Variants in MROH7 observed in about 807,000 individuals in gnomAD.
MROH7 encodes maestro heat like repeat family member 7.
Under a neutral mutation model 129.2 loss-of-function variants are expected in MROH7, and 113 were observed. That is an observed-to-expected ratio of 0.87 (90% CI 0.75 to 1.02). The LOEUF (loss-of-function observed/expected upper bound fraction) is 1.02, where lower values mean the gene tolerates loss of function less well. Among genes scored for constraint, MROH7 ranks in the 50% least tolerant of loss-of-function variants. The pLI, the probability that MROH7 is intolerant of heterozygous loss-of-function variation, is 0.00. For missense variants in MROH7, 1,601 were observed against 1,671.3 expected (o/e 0.96, Z 0.73); for synonymous variants, 655 against 667.9 (o/e 0.98, Z 0.30).
At chr1:54,655,802 T>C (rs1192264738) in intron 3 of MROH7, among the ~76,000 whole-genome samples, 1 of 152,116 alleles carries the variant, frequency 6.6e-6, no homozygotes, top group Non-Finnish European at 1.5e-5. Flanking sequence ...CACTTTCCTT[T>C]ACATAGGATA....
chr1:54,701,010 G>A, intron 18 of MROH7, 133 bp from the exon 19 acceptor site: 1 of 940,560 alleles, frequency 1.1e-6, no homozygotes, highest in Non-Finnish European at 1.6e-6. Context: ...TTCCAGGCAG[G>A]TGGGATGGCA....
intron 5 of MROH7, among the ~76,000 whole-genome samples, chr1:54,669,933 G>A (rs1410932163): frequency 1.3e-5 from 2 of 151,670 alleles, no homozygotes; most frequent in Non-Finnish European, 2.9e-5. Flanking sequence ...GAGCTAGGGA[G>A]GCAGAGGTTG....
intron 3 of MROH7, chr1:54,658,981 C>A: frequency 3.3e-6 from 1 of 302,972 alleles, no homozygotes; most frequent in Non-Finnish European, 6.5e-6. Context: ...CTAATCACTG[C>A]CCCGGAGGTG....
intron 1 of MROH7, among the ~76,000 whole-genome samples, chr1:54,645,110 A>ACC (rs2101050006): frequency 6.6e-6 from 1 of 152,182 alleles, no homozygotes; most frequent in Non-Finnish European, 1.5e-5. Flanking sequence ...ATGCCCAGCC[A>ACC]AAGCATTTTT....
Position 54,673,705 on chromosome 1 carries a change from T to TG in MROH7, c.1704dup (p.Pro569AlafsTer10), listed in dbSNP as rs1644937507. The TG allele has an allele frequency of 6.2e-7, 1 of 1,612,464 alleles. No individual in the cohort carries two copies. Among genetic ancestry groups the TG allele is most frequent in the African/African-American group, 1.3e-5 (1 of 74,900 alleles). On this transcript the variant is annotated frameshift_variant, in exon 9 of 24. Transcript: ENST00000421030. LOFTEE classifies it high-confidence loss of function. ...GTCTTGCTTTTGATCCCACAGGCCC[T>TG]GGGGCCTTGGATGAACTCTGGGAAG... is the stretch of plus-strand genomic sequence containing the variant.
rs1475209187 is a variant in MROH7, at chr1:54,709,011, A to T, written c.3668-3A>T. 1 of 1,614,010 alleles carries T rather than the reference A, an allele frequency of 6.2e-7. No individual in the cohort carries two copies. Among genetic ancestry groups the T allele is most frequent in the Non-Finnish European group, 8.5e-7 (1 of 1,179,968 alleles). On this transcript the variant is annotated splice_region_variant and splice_polypyrimidine_tract_variant and intron_variant, in intron 22 of 23. Coordinates refer to ENST00000421030, the MANE Select transcript of MROH7 (RefSeq NM_001039464.4). ...TGCCCTCACTTCTTGGATTACGCTC[A>T]AGGGTCCCTGGTCCCCTGCATGGAG...
chr1:54,663,979 C>G (rs1041561108), intron 3 of MROH7: 76 of 325,368 alleles, frequency 2.3e-4, no homozygotes, highest in African/African-American at 1.6e-3. Flanking sequence ...TGACCTTGTC[C>G]TCAGAAGGAG....
chr1:54,661,601 T>C (rs979617943), intron 3 of MROH7, among the ~76,000 whole-genome samples: 1 of 151,458 alleles, frequency 6.6e-6, no homozygotes, highest in Non-Finnish European at 1.5e-5. Flanking sequence ...TGTTTGTTTG[T>C]TTGTTTATTT....
rs750287729 is a variant in MROH7, at chr1:54,673,132, C to G, written c.1641C>G (p.Leu547=). 2 of 1,613,826 alleles carry G rather than the reference C, an allele frequency of 1.2e-6. No individual in the cohort carries two copies. The highest frequency in any genetic ancestry group is 1.7e-5 in the Admixed American group (1 of 59,982). Reference sequence around the variant, plus strand: ...CCCTGGAGGCCCTGCAGACACTGCTCAAAGCCCTCTTTATCGAGGACCCCA... The same window carrying G: ...CCCTGGAGGCCCTGCAGACACTGCTGAAAGCCCTCTTTATCGAGGACCCCA... ...HQTLEALQTL[L]KALFIEDPTP... Residue 547 remains leucine, a synonymous_variant, in exon 8 of 24, where the codon CTC becomes CTG. Transcript: ENST00000421030.
In MROH7 at chr1:54,705,702, A is replaced by C. The variant is rs150701976; in HGVS notation, c.3565-733A>C. Among the ~76,000 whole-genome samples the C allele has an allele frequency of 4.1e-3, 619 of 152,316 alleles. 4 individuals carry two copies. The highest frequency in any genetic ancestry group is 0.014 in the African/African-American group (596 of 41,572). On this transcript the variant is annotated intron_variant, in intron 21 of 23. Transcript: ENST00000421030. ...GTCCTCGGAGTGCAGCATGGTGGGC[A>C]TGACAGGTGGAGTCAGTGGAAGGAG...
At position 54,710,123 on chromosome 1, in the gene MROH7, C is replaced by A. The variant is rs1455777128; in HGVS notation, c.3908C>A (p.Ser1303Tyr). The A allele has an allele frequency of 1.2e-6, 2 of 1,613,840 alleles. No homozygotes were observed. Among genetic ancestry groups the A allele is most frequent in the African/African-American group, 1.3e-5 (1 of 74,934 alleles). The part of the protein sequence containing the change: ...WSPSCENLPT[S>Y]HQRRSWIMQA... ...CCCAGCTGTGAGAACCTGCCCACTTCCCACCAGCGGCGCTCCTGGATCATG... is the reference window on the plus strand; with the variant it reads ...CCCAGCTGTGAGAACCTGCCCACTTACCACCAGCGGCGCTCCTGGATCATG... The change falls in exon 24 of 24, where the codon TCC (serine) becomes TAC (tyrosine). Residue 1303 changes from serine (S) to tyrosine (Y), a missense_variant. By Grantham distance (144) the Ser-to-Tyr change is moderately radical. Coordinates refer to ENST00000421030, the MANE Select transcript of MROH7 (RefSeq NM_001039464.4).
Position 54,682,676 on chromosome 1 carries a change from G to A in MROH7, c.2402G>A (p.Arg801Lys). The A allele has an allele frequency of 6.2e-7, 1 of 1,613,768 alleles. No individual in the cohort carries two copies. The highest frequency in any genetic ancestry group is 8.5e-7 in the Non-Finnish European group (1 of 1,179,856). ...CTCAGCAATGGAGCAGAGATGTGGA[G>A]GCAGCTGATACTGTGTAAGCCCAGC... ...PLNSNGAEMW[R>K]QLILCKPSCD... The change falls in exon 14 of 24, where the codon AGG becomes AAG. Residue 801 changes from arginine to lysine, a missense_variant. Physicochemically the swap from Arg to Lys is conservative, Grantham distance 26 (BLOSUM62 2). Transcript: ENST00000421030.
In MROH7 at chr1:54,682,639, C is replaced by T; in HGVS notation, c.2382-17C>T. On this transcript the variant is annotated splice_polypyrimidine_tract_variant and intron_variant, in intron 13 of 23. Coordinates refer to ENST00000421030, the MANE Select transcript of MROH7 (RefSeq NM_001039464.4). The stretch of plus-strand genomic sequence containing the variant: ...TGCCTTGGCCACCACTAATTGCCCA[C>T]ATCCCTGACCTCTCAGCAATGGAGC... 1 of 1,606,552 alleles carries T rather than the reference C, an allele frequency of 6.2e-7. No individual in the cohort carries two copies.
At position 54,654,118 on chromosome 1, in the gene MROH7, G is replaced by C; in HGVS notation, c.1192G>C (p.Ala398Pro). The C allele has an allele frequency of 6.2e-7, 1 of 1,613,472 alleles. No individual in the cohort carries two copies. The highest frequency in any genetic ancestry group is 2.2e-5 in the East Asian group (1 of 44,836). The change falls in exon 3 of 24, where the codon GCA becomes CCA. Residue 398 changes from alanine to proline, a missense_variant. Transcript: ENST00000421030. Reference protein sequence around the residue: ...FPLGFPISNPAGKDAVTLQGI... With the variant: ...FPLGFPISNPPGKDAVTLQGI... ...GCTGGGATTCCCCATCTCCAACCCC[G>C]CAGGCAAGGACGCCGTGACCTTGCA...
At chr1:54,709,162 A>T (rs982736404) in intron 23 of MROH7, 86 bp downstream of exon 23, 8 of 1,300,928 alleles carry the variant, frequency 6.1e-6, no homozygotes, top group Non-Finnish European at 7.8e-6. Context: ...AAGGGAAGGG[A>T]TGTGTCCCAA....
intron 7 of MROH7, among the ~76,000 whole-genome samples, chr1:54,672,256 G>C (rs929170551): frequency 1.3e-5 from 2 of 151,844 alleles, no homozygotes; most frequent in African/African-American, 4.8e-5. Flanking sequence ...GGAAGGAGGA[G>C]GCAGGTGGTG....
Position 54,682,743 on chromosome 1 carries a change from G to A in MROH7, c.2469G>A (p.Leu823=), listed in dbSNP as rs766642854. 6.8e-6 allele frequency: 11 copies of A among 1,613,968 alleles called. No homozygotes were observed. The Admixed American group carries it at 1.3e-4, about 20-fold the overall frequency. ...TCCTGGATCTGCTCCTGGGCAGCCT[G>A]AAGGAGAAGCCCGTCACCAAGGAGG... The part of the protein sequence containing the change: ...RDLLDLLLGS[L]KEKPVTKEGR... The change falls in exon 14 of 24, where the codon CTG becomes CTA. Residue 823 remains leucine (L), a synonymous_variant. Coordinates refer to ENST00000421030, the MANE Select transcript of MROH7 (RefSeq NM_001039464.4).
chr1:54,699,114 CTT>C (rs1645374946), intron 17 of MROH7: 1 of 77,916 alleles, frequency 1.3e-5, no homozygotes, highest in Admixed American at 1.3e-4. Flanking sequence ...TTCTTTCTTT[CTT>C]TCTTTCTTTC....
chr1:54,673,898 T>G, intron 9 of MROH7, 93 bp downstream of exon 9: 1 of 1,517,094 alleles, frequency 6.6e-7, no homozygotes, highest in South Asian at 1.2e-5. Context: ...CCCAGGTGGC[T>G]CTTGCCATCT....
Sources: gnomAD v4.1 joint callset for allele counts (sites outside exome capture counted in the v4.1 genomes callset) on GRCh38, gnomAD v4.1.1 for gene constraint, MANE v1.5 for transcripts, NCBI Gene and HGNC (gene_info 2026-07-23, HGNC 2026-07-21) for gene names.